Variants in FOXK1 observed in about 807,000 individuals in gnomAD.
The protein encoded by FOXK1 is forkhead box K1.
A neutral mutation model predicts 51.9 loss-of-function variants in FOXK1; 19 were observed. That is an observed-to-expected ratio of 0.37 (90% confidence interval 0.26 to 0.54). The LOEUF (loss-of-function observed/expected upper bound fraction) is 0.54, where lower values mean the gene tolerates loss of function less well. FOXK1 is among the 20% of genes least tolerant of loss of function. The probability of loss-of-function intolerance (pLI) is 0.87; values close to 1 mark genes in which losing one functional copy is unlikely to be tolerated. For synonymous variants in FOXK1, 537 were observed against 482.6 expected (o/e 1.11, Z -1.48); for missense variants, 870 against 1,032.7 (o/e 0.84, Z 2.16).
chr7:4,708,955 C>G (rs922986648), intron 1 of FOXK1, among the ~76,000 whole-genome samples: 15 of 151,822 alleles, frequency 9.9e-5, no homozygotes, highest in African/African-American at 3.6e-4. Flanking sequence ...GTCCCAGCTA[C>G]TCGGGAGACT....
At chr7:4,688,317 A>T (rs1779846139) in intron 1 of FOXK1, among the ~76,000 whole-genome samples, 1 of 151,034 alleles carries the variant, frequency 6.6e-6, no homozygotes, top group African/African-American at 2.4e-5. Flanking sequence ...AAAATGAATA[A>T]TAATTTCTTA....
rs936222619 is a variant in FOXK1 at position 4,767,125 on chromosome 7, G to A, written c.*4661G>A. On this transcript the variant is annotated 3_prime_UTR_variant, in exon 9 of 9. Coordinates refer to ENST00000328914, the MANE Select transcript of FOXK1 (RefSeq NM_001037165.2). This position sits in a 1 kb window ranked among gnomAD's most constrained non-coding sequence, Gnocchi z 6.6. Reference sequence around the variant, plus strand: ...GCTTTGCCCTTGAGTGACTTCATGCGGGATGAGGAACTGTTGACCCCTCTA... The same window carrying A: ...GCTTTGCCCTTGAGTGACTTCATGCAGGATGAGGAACTGTTGACCCCTCTA... 8 of 152,120 alleles carry A rather than the reference G, an allele frequency of 5.3e-5. No individual in the cohort carries two copies. The highest frequency in any genetic ancestry group is 8.8e-5 in the Non-Finnish European group (6 of 68,040). The allele number at this position is 152,120 out of a possible 1,614,324, so 9.4% of individuals were successfully genotyped here. A position where few individuals can be genotyped will look rare whatever the true frequency, so the allele number is the denominator to read the frequency against.
In FOXK1 at chr7:4,731,740, C is replaced by T. The variant is rs1467089064; in HGVS notation, c.561-9098C>T. On this transcript the variant is annotated intron_variant, in intron 1 of 8. Transcript: ENST00000328914. The surrounding 1 kb of genome is among the most constrained non-coding windows in gnomAD (Gnocchi z 5.3). ...CACCACTGCACTCCAGCCTGGGCAA[C>T]AAAGCGAAACTCTGCCTCAAAAAAA... Among the ~76,000 whole-genome samples the T allele has an allele frequency of 2.0e-5, 2 of 99,708 alleles. No individual in the cohort carries two copies. The highest frequency in any genetic ancestry group is 8.0e-5 in the African/African-American group (2 of 25,112). 65.4% of individuals were successfully genotyped at this position (99,708 alleles called of 152,430 possible). A position where few individuals can be genotyped will look rare whatever the true frequency, so the allele number is the denominator to read the frequency against.
rs1193593811 is a variant in FOXK1, at chr7:4,723,545, A to T, written c.561-17293A>T. ...GCCTCTAGGGCCTGTCCATCCCGTC[A>T]GCCCACGGTGCCTCTACAAACACAG... On this transcript the variant is annotated intron_variant, in intron 1 of 8. Transcript: ENST00000328914. This position sits in a 1 kb window ranked among gnomAD's most constrained non-coding sequence, Gnocchi z 4.7. Among the ~76,000 whole-genome samples the T allele has an allele frequency of 2.6e-5, 4 of 152,122 alleles. No homozygotes were observed. The highest frequency in any genetic ancestry group is 5.9e-5 in the Non-Finnish European group (4 of 68,022).
chr7:4,687,197 G>T (rs1779830818), intron 1 of FOXK1, among the ~76,000 whole-genome samples: 2 of 152,044 alleles, frequency 1.3e-5, no homozygotes, highest in South Asian at 4.1e-4. Context: ...CTTCCAAAGT[G>T]CTGGGATTAC....
At chr7:4,705,566 G>GCTCTCGCTCTCT (rs1780078184) in intron 1 of FOXK1, among the ~76,000 whole-genome samples, 1 of 97,216 alleles carries the variant, frequency 1.0e-5, no homozygotes, top group African/African-American at 3.7e-5. Context: ...TCTCGCTCTC[G>GCTCTCGCTCTCT]CTCTCTCGTC....
intron 1 of FOXK1, among the ~76,000 whole-genome samples, chr7:4,704,695 C>T (rs1780060898): frequency 6.6e-6 from 1 of 152,034 alleles, no homozygotes; most frequent in Non-Finnish European, 1.5e-5. Context: ...GTGCTCGGAT[C>T]ACGGGCCCAT....
intron 1 of FOXK1, among the ~76,000 whole-genome samples, chr7:4,698,356 ACATG>A (rs989903578): frequency 2.6e-5 from 4 of 151,888 alleles, no homozygotes; most frequent in African/African-American, 9.7e-5. Flanking sequence ...TAATACCACA[ACATG>A]CATTGCCTAA....
intron 1 of FOXK1, among the ~76,000 whole-genome samples, chr7:4,700,895 G>A (rs183552112): frequency 2.4e-4 from 36 of 152,296 alleles, no homozygotes; most frequent in African/African-American, 8.2e-4. Context: ...ACATACATGC[G>A]TCTGTGCTGC....
At chr7:4,718,597 C>T (rs6463010) in intron 1 of FOXK1, among the ~76,000 whole-genome samples, 15,432 of 152,162 alleles carry the variant, frequency 0.1, 2,442 homozygotes, top group African/African-American at 0.34. Context: ...AGGTTTCCCT[C>T]GTCAGGGTGA....
rs549244448 is a variant in FOXK1 at position 4,756,864 on chromosome 7, C to A, written c.1051-130C>A. The A allele has an allele frequency of 2.1e-6, 2 of 975,386 alleles. No individual in the cohort carries two copies. Among genetic ancestry groups the A allele is most frequent in the Non-Finnish European group, 1.5e-6 (1 of 664,726 alleles). 60.4% of individuals were successfully genotyped at this position (975,386 alleles called of 1,614,324 possible). On this transcript the variant is annotated intron_variant, in intron 4 of 8. Coordinates refer to ENST00000328914, the MANE Select transcript of FOXK1 (RefSeq NM_001037165.2). The surrounding 1 kb of genome is among the most constrained non-coding windows in gnomAD (Gnocchi z 4.1). ...CTGCTCCCGTGAGGCCCAGCCAGCACAGCACCAAGGGCTCTGCACAGAGGG... is the reference window on the plus strand; with the variant it reads ...CTGCTCCCGTGAGGCCCAGCCAGCAAAGCACCAAGGGCTCTGCACAGAGGG...
chr7:4,707,765 A>G lies in FOXK1; in HGVS notation c.560+24897A>G, dbSNP rs11980576. ...AGTGGCACGATCGTGGCTCTCTGCA[A>G]CCTCCGCCTCCTGGGTTCAAGCAAT... On this transcript the variant is annotated intron_variant, in intron 1 of 8. Transcript: ENST00000328914. This position sits in a 1 kb window ranked among gnomAD's most constrained non-coding sequence, Gnocchi z 4.1. Among the ~76,000 whole-genome samples, 9,649 of 151,062 alleles carry G rather than the reference A, an allele frequency of 0.064. 485 individuals are homozygous for G. The highest frequency in any genetic ancestry group is 0.15 in the African/African-American group (6,055 of 41,072).
chr7:4,742,662 C>T (rs1434253505), intron 2 of FOXK1, among the ~76,000 whole-genome samples: 1 of 152,182 alleles, frequency 6.6e-6, no homozygotes, highest in Non-Finnish European at 1.5e-5. Context: ...AGAGATCCTC[C>T]CTCCTCCACC....
At chr7:4,692,128 GA>G (rs1017608222) in intron 1 of FOXK1, among the ~76,000 whole-genome samples, 3 of 150,748 alleles carry the variant, frequency 2.0e-5, no homozygotes, top group African/African-American at 4.9e-5. Flanking sequence ...ATATTTTTAT[GA>G]AAAAAAAACT....
chr7:4,761,045 C>G lies in FOXK1; in HGVS notation c.1697-19C>G, dbSNP rs201444180. 3 of 1,603,974 alleles carry G rather than the reference C, an allele frequency of 1.9e-6. No individual in the cohort carries two copies. The highest frequency in any genetic ancestry group is 2.7e-5 in the African/African-American group (2 of 74,718). On this transcript the variant is annotated intron_variant, in intron 7 of 8. Transcript: ENST00000328914. The surrounding 1 kb of genome is among the most constrained non-coding windows in gnomAD (Gnocchi z 6.2). ...TCTCGTTGGCCGAGTGTGGTGCTGA[C>G]TTGGTTCCTGTCCCGCAGGCCTGGA... is the stretch of plus-strand genomic sequence containing the variant.
Position 4,745,111 on chromosome 7 carries a change from G to T in FOXK1, c.746+4088G>T, listed in dbSNP as rs1164864232. ...CCCCACTCTCCTCCTCTCTGGCTGC[G>T]CTCCCTAACAGATCGGGAGGTGGGA... On this transcript the variant is annotated intron_variant, in intron 2 of 8. Coordinates refer to ENST00000328914, the MANE Select transcript of FOXK1 (RefSeq NM_001037165.2). The surrounding 1 kb of genome is among the most constrained non-coding windows in gnomAD (Gnocchi z 4.3). Among the ~76,000 whole-genome samples the T allele has an allele frequency of 6.6e-6, 1 of 152,198 alleles. No individual in the cohort carries two copies. Among genetic ancestry groups the T allele is most frequent in the Non-Finnish European group, 1.5e-5 (1 of 68,046 alleles).
chr7:4,708,782 A>G (rs1405196666), intron 1 of FOXK1, among the ~76,000 whole-genome samples: 1 of 152,152 alleles, frequency 6.6e-6, no homozygotes, highest in East Asian at 1.9e-4. Context: ...GAGGCTGGTA[A>G]GGCCGGGCTT....
chr7:4,686,996 G>A (rs191015687), intron 1 of FOXK1, among the ~76,000 whole-genome samples: 233 of 150,876 alleles, frequency 1.5e-3, no homozygotes, highest in African/African-American at 5.5e-3. Context: ...GCAGTGGCGC[G>A]AACTTGGCTC....
chr7:4,743,281 G>A lies in FOXK1; in HGVS notation c.746+2258G>A, dbSNP rs1214551193. 6.6e-6 allele frequency among the ~76,000 whole-genome samples: 1 copy of A among 152,198 alleles called. No homozygotes were observed. The highest frequency in any genetic ancestry group is 1.5e-5 in the Non-Finnish European group (1 of 68,038). ...TTTAAAGAGTGAACTGGCCGGGCGC[G>A]GTGGCTCACACTGGTAATGCCAGCA... On this transcript the variant is annotated intron_variant, in intron 2 of 8. Coordinates refer to ENST00000328914, the MANE Select transcript of FOXK1 (RefSeq NM_001037165.2). The surrounding 1 kb of genome is among the most constrained non-coding windows in gnomAD (Gnocchi z 5.3).
Sources: gnomAD v4.1 joint callset for allele counts (sites outside exome capture counted in the v4.1 genomes callset) on GRCh38, gnomAD v4.1.1 for gene constraint, Gnocchi (gnomAD v3.1) non-coding constraint, MANE v1.5 for transcripts, NCBI Gene and HGNC (gene_info 2026-07-23, HGNC 2026-07-21) for gene names.